The following DTX2 variants were observed in gnomAD, a reference collection of about 807,000 sequenced individuals.
DTX2 encodes the protein probable E3 ubiquitin-protein ligase DTX2.
Under a neutral mutation model 55.3 loss-of-function variants are expected in DTX2, and 29 were observed. The ratio of observed to expected loss-of-function variants is 0.52; its 90% CI spans 0.39 to 0.71. The LOEUF (loss-of-function observed/expected upper bound fraction) is 0.71, where lower values mean the gene tolerates loss of function less well. DTX2 is among the 30% of genes least tolerant of loss of function. DTX2 has a pLI of 0.00. For missense variants in DTX2, 537 were observed against 822.5 expected (o/e 0.65, Z 4.25); for synonymous variants, 276 against 340.4 (o/e 0.81, Z 2.08).
chr7:76,495,565 C>T (rs1311891169), intron 5 of DTX2, among the ~76,000 whole-genome samples: 78 of 148,350 alleles, frequency 5.3e-4, no homozygotes, highest in Middle Eastern at 3.6e-3. Context: ...TTGAAAAGGA[C>T]ACGTGTGTCA....
At chr7:76,478,412 T>A (rs1584163281) in intron 2 of DTX2, among the ~76,000 whole-genome samples, 1 of 140,202 alleles carries the variant, frequency 7.1e-6, no homozygotes. Flanking sequence ...GCATCAGCTC[T>A]GATTTTTTTT....
At position 76,482,665 on chromosome 7, in the gene DTX2, C is replaced by T. The variant is rs777415062; in HGVS notation, c.426C>T (p.Leu142=). The change falls in exon 4 of 11, where the codon CTC becomes CTT. Residue 142 remains leucine (L), a synonymous_variant. Coordinates refer to ENST00000430490, the MANE Select transcript of DTX2 (RefSeq NM_001102594.3). ...AGCAGGTGGCCAGGGGCAACCAGCT[C>T]GTGGACTTGGCCCCCCTGGGGTACA... ...LEQQVARGNQ[L]VDLAPLGYNY... 1.5e-5 allele frequency: 25 copies of T among 1,613,340 alleles called. No individual in the cohort carries two copies. Among genetic ancestry groups the T allele is most frequent in the African/African-American group, 1.3e-4 (10 of 74,880 alleles).
intron 4 of DTX2, among the ~76,000 whole-genome samples, chr7:76,490,636 CAG>C (rs1486042656): frequency 1.5e-5 from 2 of 135,774 alleles, no homozygotes; most frequent in African/African-American, 5.3e-5. Context: ...TCTTTTTTGA[CAG>C]AGTCTCCAGC....
chr7:76,483,204 G>A, intron 4 of DTX2, 57 bp downstream of exon 4: 1 of 1,568,398 alleles, frequency 6.4e-7, no homozygotes, highest in East Asian at 2.2e-5. Flanking sequence ...TCTTAGCCGG[G>A]AAGACTCACC....
At position 76,503,545 on chromosome 7, in the gene DTX2, C is replaced by T. The variant is rs775237045; in HGVS notation, c.1509C>T (p.Cys503=). The T allele has an allele frequency of 1.6e-5, 25 of 1,612,478 alleles. No homozygotes were observed. The South Asian group carries it at 2.0e-4, about 13-fold the overall frequency. The stretch of plus-strand genomic sequence containing the variant: ...TGTCGCTCCCCGGCCACGAGGACTG[C>T]GGGACCATCCTCATAGTTTACAGCA... ...FQMSLPGHED[C]GTILIVYSIP... The change falls in exon 9 of 11, where the codon TGC becomes TGT. Residue 503 remains cysteine (C), a synonymous_variant. Coordinates refer to ENST00000430490, the MANE Select transcript of DTX2 (RefSeq NM_001102594.3).
chr7:76,478,381 G>A (rs1177949796), intron 2 of DTX2, among the ~76,000 whole-genome samples: 1 of 143,864 alleles, frequency 7.0e-6, no homozygotes, highest in Non-Finnish European at 1.5e-5. Flanking sequence ...CTGGGCTCTG[G>A]CATCAGTGTG....
At chr7:76,482,170 G>C (rs903465130) in intron 3 of DTX2, among the ~76,000 whole-genome samples, 6 of 151,364 alleles carry the variant, frequency 4.0e-5, no homozygotes, top group African/African-American at 1.5e-4. Context: ...AGTGTTAATC[G>C]GGGAATGAAA....
In DTX2 at chr7:76,478,662, C is replaced by G. The variant is rs550617052; in HGVS notation, c.-89-1759C>G. 1.7e-3 allele frequency: 218 copies of G among 126,076 alleles called. 1 individual carries two copies. Among genetic ancestry groups the G allele is most frequent in the African/African-American group, 6.2e-3 (195 of 31,602 alleles). The allele number at this position is 126,076 out of a possible 1,614,324, so 7.8% of individuals were successfully genotyped here. A position where few individuals can be genotyped will look rare whatever the true frequency, so the allele number is the denominator to read the frequency against. On this transcript the variant is annotated intron_variant, in intron 2 of 10. Transcript: ENST00000430490. ...TCCTGTGCTCAAACCACCCTCCTGT[C>G]GCAGCCTCCCTAAACACTGGCATTG...
intron 2 of DTX2, among the ~76,000 whole-genome samples, chr7:76,471,560 G>A (rs575769091): frequency 2.0e-5 from 3 of 150,722 alleles, no homozygotes; most frequent in East Asian, 1.9e-4. Flanking sequence ...ACAGGGTCTC[G>A]CTCTGTTGCC....
At chr7:76,502,557 G>A in intron 8 of DTX2, 101 bp downstream of exon 8, 2 of 1,347,992 alleles carry the variant, frequency 1.5e-6, no homozygotes, top group Non-Finnish European at 2.0e-6. Flanking sequence ...TGTAGGAATG[G>A]GCCTCTGCAA....
Position 76,482,685 on chromosome 7 carries a change from G to T in DTX2, c.446G>T (p.Gly149Val). 6.2e-7 allele frequency: 1 copy of T among 1,613,718 alleles called. No homozygotes were observed. The highest frequency in any genetic ancestry group is 8.5e-7 in the Non-Finnish European group (1 of 1,179,744). Residue 149 changes from glycine (G) to valine (V), a missense_variant, in exon 4 of 11, where the codon GGG becomes GTG. Physicochemically the swap from Gly to Val is moderately radical, Grantham distance 109 (BLOSUM62 -3). Transcript: ENST00000430490. ...GNQLVDLAPL[G>V]YNYTVNYTTH... ...CAGCTCGTGGACTTGGCCCCCCTGG[G>T]GTACAACTACACTGTCAACTACACC...
chr7:76,482,818 C>T lies in DTX2; in HGVS notation c.579C>T (p.Gly193=), dbSNP rs777873988. 3.1e-6 allele frequency: 5 copies of T among 1,613,784 alleles called. No individual in the cohort carries two copies. Among genetic ancestry groups the T allele is most frequent in the African/African-American group, 1.3e-5 (1 of 75,024 alleles). Residue 193 remains glycine, a synonymous_variant, in exon 4 of 11, where the codon GGC becomes GGT. Coordinates refer to ENST00000430490, the MANE Select transcript of DTX2 (RefSeq NM_001102594.3). The part of the protein sequence containing the change: ...TTIIAPPGHT[G]VACSCHQCLS... ...TCATCGCTCCGCCGGGCCACACAGG[C>T]GTCGCCTGCTCTTGCCACCAGTGCC...
chr7:76,498,423 G>T, intron 6 of DTX2, among the ~76,000 whole-genome samples: 1 of 151,724 alleles, frequency 6.6e-6, no homozygotes. Context: ...CTCGTTGGCA[G>T]CCCGGGCTGG....
In DTX2 at chr7:76,505,503, A is replaced by G. The variant is rs1488848784; in HGVS notation, c.1771A>G (p.Ile591Val). The change falls in exon 11 of 11, where the codon ATT becomes GTT. Residue 591 changes from isoleucine (I) to valine (V), a missense_variant. Ile to Val is a conservative substitution (Grantham distance 29). Transcript: ENST00000430490. This position sits in a 1 kb window ranked among gnomAD's most constrained non-coding sequence, Gnocchi z 4.4. The part of the protein sequence containing the change: ...IHHKTEMDRN[I>V]TGHGYPDPNY... ...CCACAAGACAGAGATGGACCGCAACATTACGGGCCACGGCTATCCCGACCC... is the reference window on the plus strand; with the variant it reads ...CCACAAGACAGAGATGGACCGCAACGTTACGGGCCACGGCTATCCCGACCC... The G allele has an allele frequency of 1.2e-6, 2 of 1,609,796 alleles. No homozygotes were observed. Among genetic ancestry groups the G allele is most frequent in the South Asian group, 1.1e-5 (1 of 90,128 alleles).
intron 8 of DTX2, 71 bp downstream of exon 8, chr7:76,502,527 G>C (rs372062282): frequency 6.5e-7 from 1 of 1,528,534 alleles, no homozygotes; most frequent in Admixed American, 2.0e-5. Flanking sequence ...CTGCAGGGGC[G>C]GGAGGGTTCC....
At chr7:76,476,538 G>A (rs987462165) in intron 2 of DTX2, among the ~76,000 whole-genome samples, 1 of 151,334 alleles carries the variant, frequency 6.6e-6, no homozygotes, top group African/African-American at 2.4e-5. Context: ...CAGGGAGTGC[G>A]GTTGTGTTTG....
chr7:76,476,204 A>C (rs1808525673), intron 2 of DTX2, among the ~76,000 whole-genome samples: 1 of 81,018 alleles, frequency 1.2e-5, no homozygotes, highest in African/African-American at 5.4e-5. Flanking sequence ...TTATAATACT[A>C]ATAATTTTCA....
intron 2 of DTX2, chr7:76,476,854 T>C (rs1808599324): frequency 1.3e-5 from 2 of 151,308 alleles, no homozygotes; most frequent in South Asian, 2.1e-4. Context: ...AGTACCCTCC[T>C]AGGGCCTGGG....
At chr7:76,471,204 C>G (rs1807853062) in intron 2 of DTX2, 2 of 561,736 alleles carry the variant, frequency 3.6e-6, no homozygotes, top group Admixed American at 5.8e-5. Context: ...CTCTGTCGCC[C>G]AGGCTGGAGT....
Sources: allele counts gnomAD v4.1 joint callset (sites outside exome capture counted in the v4.1 genomes callset), GRCh38; gene constraint gnomAD v4.1.1; non-coding constraint Gnocchi (gnomAD v3.1); transcripts MANE v1.5; gene names NCBI Gene and HGNC (gene_info 2026-07-23, HGNC 2026-07-21).